Variants in WWOX observed in about 807,000 individuals in gnomAD.
WWOX encodes the protein WW domain containing oxidoreductase.
WWOX carries 69 observed loss-of-function variants against 46.2 expected under a neutral mutation model. That is an observed-to-expected ratio of 1.49 (90% CI 1.23 to 1.82). The LOEUF is 1.82. WWOX is among the 40% of genes most tolerant of loss of function. The pLI is 0.00. For synonymous variants in WWOX, 359 were observed against 202.6 expected (o/e 1.77, Z -6.56); for missense variants, 919 against 542.6 (o/e 1.69, Z -6.89).
chr16:78,442,454 C>T (rs1479751399), intron 8 of WWOX, among the ~76,000 whole-genome samples: 1 of 152,128 alleles, frequency 6.6e-6, no homozygotes, highest in Admixed American at 6.5e-5. Flanking sequence ...CTCCCACTTC[C>T]CCACTACCAG....
intron 8 of WWOX, among the ~76,000 whole-genome samples, chr16:78,827,675 A>AT (rs1259152576): frequency 3.7e-5 from 4 of 108,770 alleles, no homozygotes; most frequent in Non-Finnish European, 8.4e-5. Flanking sequence ...TCTACTAAAA[A>AT]TAAAAAAAAA....
intron 5 of WWOX, among the ~76,000 whole-genome samples, chr16:78,274,400 A>G (rs1035356024): frequency 3.9e-5 from 6 of 152,106 alleles, no homozygotes; most frequent in Non-Finnish European, 7.4e-5. Context: ...TGATTCTCCT[A>G]CTGGTTTCTA....
At chr16:78,554,431 C>T (rs2044241514) in intron 8 of WWOX, among the ~76,000 whole-genome samples, 1 of 152,086 alleles carries the variant, frequency 6.6e-6, no homozygotes, top group Non-Finnish European at 1.5e-5. Flanking sequence ...AAGCTCCATA[C>T]AGTAAAACCT....
intron 8 of WWOX, among the ~76,000 whole-genome samples, chr16:79,065,170 A>C (rs1004780291): frequency 1.3e-5 from 2 of 152,198 alleles, no homozygotes; most frequent in African/African-American, 4.8e-5. Flanking sequence ...GAGTGAACAA[A>C]GGCTTCGGAA....
intron 8 of WWOX, among the ~76,000 whole-genome samples, chr16:78,766,972 T>C (rs1356050377): frequency 1.3e-5 from 2 of 152,208 alleles, no homozygotes; most frequent in African/African-American, 4.8e-5. Context: ...TGGTAACCCC[T>C]ACTTTACTTT....
intron 5 of WWOX, among the ~76,000 whole-genome samples, chr16:78,256,508 G>C (rs1009988547): frequency 6.6e-6 from 1 of 151,812 alleles, no homozygotes; most frequent in Non-Finnish European, 1.5e-5. Context: ...CAGACTTGGA[G>C]GACAGAGCTT....
chr16:78,665,092 G>C (rs995025770), intron 8 of WWOX, among the ~76,000 whole-genome samples: 1 of 152,142 alleles, frequency 6.6e-6, no homozygotes, highest in African/African-American at 2.4e-5. Context: ...CATCTATTAG[G>C]TAAATGCGAT....
intron 8 of WWOX, among the ~76,000 whole-genome samples, chr16:78,560,127 T>C (rs945253756): frequency 3.3e-5 from 5 of 152,158 alleles, no homozygotes; most frequent in African/African-American, 4.8e-5. Flanking sequence ...TATTAGAAAA[T>C]ATTCTATACA....
chr16:78,302,145 G>C (rs1280617430), intron 5 of WWOX, among the ~76,000 whole-genome samples: 1 of 151,956 alleles, frequency 6.6e-6, no homozygotes, highest in African/African-American at 2.4e-5. Context: ...ATTTTTAGTA[G>C]AGAAGGGGTA....
chr16:78,536,556 T>A (rs1352666843), intron 8 of WWOX, among the ~76,000 whole-genome samples: 1 of 152,090 alleles, frequency 6.6e-6, no homozygotes, highest in Non-Finnish European at 1.5e-5. Flanking sequence ...CACCCTTACA[T>A]ATCCCAGTGT....
intron 6 of WWOX, among the ~76,000 whole-genome samples, chr16:78,394,566 C>T (rs2082245290): frequency 6.6e-6 from 1 of 152,108 alleles, no homozygotes. Flanking sequence ...ATAGATCATA[C>T]ACTCTCTTCC....
rs982039865 is a variant in WWOX, at chr16:78,852,989, C to G, written c.1057-358619C>G. Among the ~76,000 whole-genome samples, 16 of 152,274 alleles carry G rather than the reference C, an allele frequency of 1.1e-4. 1 individual carries two copies. The highest frequency in any genetic ancestry group is 9.1e-4 in the Admixed American group (14 of 15,302). On this transcript the variant is annotated intron_variant, in intron 8 of 8. Transcript: ENST00000566780. ...CTGCAATTTATATCTTGCCCCCACCCAGTGTTGATTTGCCCGGGGTCATAC... is the reference window on the plus strand; with the variant it reads ...CTGCAATTTATATCTTGCCCCCACCGAGTGTTGATTTGCCCGGGGTCATAC...
At chr16:78,134,953 A>T (rs12928563) in intron 4 of WWOX, among the ~76,000 whole-genome samples, 20,540 of 152,240 alleles carry the variant, frequency 0.13, 1,634 homozygotes, top group East Asian at 0.22. Context: ...TTCTGGTGAC[A>T]AATGGTGCTG....
chr16:78,418,748 T>C lies in WWOX; in HGVS notation c.606-6122T>C, dbSNP rs76546895. Among the ~76,000 whole-genome samples, 557 of 152,314 alleles carry C rather than the reference T, an allele frequency of 3.7e-3. 1 individual carries two copies. Among genetic ancestry groups the C allele is most frequent in the African/African-American group, 0.012 (516 of 41,566 alleles). ...TGTTTTAAAAAGGTCCAGCACGCTT[T>C]CTTGATGAAAACTTTTAGTAAACTT... is the stretch of plus-strand genomic sequence containing the variant. On this transcript the variant is annotated intron_variant, in intron 6 of 8. Transcript: ENST00000566780.
intron 8 of WWOX, among the ~76,000 whole-genome samples, chr16:78,613,935 C>G (rs936414336): frequency 2.6e-5 from 4 of 152,352 alleles, no homozygotes; most frequent in South Asian, 4.1e-4. Context: ...TGCTATACAG[C>G]TGTACCTGTT....
intron 8 of WWOX, among the ~76,000 whole-genome samples, chr16:78,437,520 G>C (rs899640423): frequency 6.6e-6 from 1 of 152,114 alleles, no homozygotes; most frequent in African/African-American, 2.4e-5. Context: ...AAACTCACAG[G>C]AATCAATTCT....
chr16:78,776,354 C>A (rs1379958169), intron 8 of WWOX, among the ~76,000 whole-genome samples: 1 of 151,978 alleles, frequency 6.6e-6, no homozygotes, highest in African/African-American at 2.4e-5. Context: ...AGCCCCTCTG[C>A]CTGGAGTCCT....
chr16:78,463,668 C>T lies in WWOX; in HGVS notation c.1056+30916C>T, dbSNP rs1466485232. On this transcript the variant is annotated intron_variant, in intron 8 of 8. Transcript: ENST00000566780. ...CAATAAATCTTTTTTGATTCTGTGA[C>T]TGTTAGAATCTGTTGGCTGATACTC... 3.3e-5 allele frequency among the ~76,000 whole-genome samples: 5 copies of T among 152,124 alleles called. No homozygotes were observed. In the East Asian group the frequency reaches 5.8e-4, roughly 18 times the overall value.
chr16:79,085,211 C>G (rs567671836), intron 8 of WWOX, among the ~76,000 whole-genome samples: 1 of 152,212 alleles, frequency 6.6e-6, no homozygotes, highest in Non-Finnish European at 1.5e-5. Context: ...CTCTTTCTCT[C>G]ACTTGACTCT....
Sources: gnomAD v4.1 joint callset for allele counts (sites outside exome capture counted in the v4.1 genomes callset) on GRCh38, gnomAD v4.1.1 for gene constraint, MANE v1.5 for transcripts, NCBI Gene and HGNC (gene_info 2026-07-23, HGNC 2026-07-21) for gene names.